GOLM2: variants seen among roughly 807,000 people sequenced by gnomAD.
GOLM2 encodes golgi membrane protein 2.
GOLM2 carries 26 observed loss-of-function variants against 55.9 expected under a neutral mutation model. The ratio of observed to expected loss-of-function variants is 0.47; its 90% confidence interval spans 0.34 to 0.65. GOLM2 has a LOEUF of 0.65. Ranked by LOEUF, GOLM2 falls within the 30% of genes least tolerant of loss-of-function variation. The pLI, the probability that GOLM2 is intolerant of heterozygous loss-of-function variation, is 0.01. For synonymous variants in GOLM2, 165 were observed against 194.6 expected (o/e 0.85, Z 1.27); for missense variants, 486 against 531.8 (o/e 0.91, Z 0.85).
chr15:44,381,815 A>AT lies in GOLM2; in HGVS notation c.1072+844dup, dbSNP rs2079405046. On this transcript the variant is annotated intron_variant, in intron 8 of 9. Coordinates refer to ENST00000299957, the MANE Select transcript of GOLM2 (RefSeq NM_138423.4). The stretch of plus-strand genomic sequence containing the variant: ...TCAAGGTATTTTATTTTATTTCTTT[A>AT]TTTTTATTTATTTATTTTTAGAGAC... Among the ~76,000 whole-genome samples the AT allele has an allele frequency of 2.0e-5, 3 of 151,908 alleles. No homozygotes were observed. In the South Asian group the frequency reaches 6.2e-4, roughly 32 times the overall value.
intron 6 of GOLM2, among the ~76,000 whole-genome samples, chr15:44,359,137 G>A (rs1053646444): frequency 8.6e-5 from 13 of 151,656 alleles, no homozygotes; most frequent in African/African-American, 1.5e-4. Context: ...GTGACAGAGC[G>A]AGACTCTGTC....
At chr15:44,373,250 G>T (rs2079340851) in intron 6 of GOLM2, among the ~76,000 whole-genome samples, 1 of 152,050 alleles carries the variant, frequency 6.6e-6, no homozygotes, top group African/African-American at 2.4e-5. Context: ...GAGGTCAGGA[G>T]ATGGAGACCA....
At chr15:44,321,540 A>C (rs1184252165) in intron 1 of GOLM2, among the ~76,000 whole-genome samples, 1 of 151,826 alleles carries the variant, frequency 6.6e-6, no homozygotes, top group Admixed American at 6.6e-5. Context: ...AGTATTCTGC[A>C]TCTTGATTGT....
chr15:44,342,167 G>A (rs1292106428), intron 6 of GOLM2, among the ~76,000 whole-genome samples: 2 of 151,718 alleles, frequency 1.3e-5, no homozygotes, highest in Middle Eastern at 3.4e-3. Flanking sequence ...TAAATTGATC[G>A]TTAATGTAAA....
In GOLM2 at chr15:44,344,287, G is replaced by GTATATATATATATA. The variant is rs143483392; in HGVS notation, c.802+5981_802+5994dup. 2.5e-4 allele frequency among the ~76,000 whole-genome samples: 35 copies of GTATATATATATATA among 138,334 alleles called. No individual in the cohort carries two copies. The South Asian group carries it at 5.5e-3, about 22-fold the overall frequency. The allele number at this position is 138,334 out of a possible 152,430, so 90.8% of individuals were successfully genotyped here. A position where few individuals can be genotyped will look rare whatever the true frequency, so the allele number is the denominator to read the frequency against. On this transcript the variant is annotated intron_variant, in intron 6 of 9. Transcript: ENST00000299957. ...AAAAAAAAAAAATGTATATGTGTGT[G>GTATATATATATATA]TATATATATATATATATATATATAC...
At chr15:44,340,444 G>C (rs1440662651) in intron 6 of GOLM2, among the ~76,000 whole-genome samples, 3 of 152,118 alleles carry the variant, frequency 2.0e-5, no homozygotes, top group African/African-American at 7.2e-5. Context: ...TATTTCTGTA[G>C]AGACGGTGCC....
chr15:44,321,024 C>T (rs760885572), intron 1 of GOLM2, among the ~76,000 whole-genome samples: 4 of 152,118 alleles, frequency 2.6e-5, no homozygotes, highest in African/African-American at 7.2e-5. Context: ...GAAGTTTTCC[C>T]GGATCTCTGG....
At chr15:44,405,082 A>G (rs1205898525) in intron 9 of GOLM2, among the ~76,000 whole-genome samples, 2 of 152,164 alleles carry the variant, frequency 1.3e-5, no homozygotes, top group Non-Finnish European at 2.9e-5. Flanking sequence ...TATTGTAAGT[A>G]GATTTATTTT....
rs535115566 is a variant in GOLM2 at position 44,398,320 on chromosome 15, T to G, written c.1073-4567T>G. On this transcript the variant is annotated intron_variant, in intron 8 of 9. Coordinates refer to ENST00000299957, the MANE Select transcript of GOLM2 (RefSeq NM_138423.4). ...TGTTATTTTTGCTTTCTGTTTTTAT[T>G]TTTGAGGCAGAGTCTCATCCTGTCA... Among the ~76,000 whole-genome samples, 36 of 152,348 alleles carry G rather than the reference T, an allele frequency of 2.4e-4. No homozygotes were observed. The East Asian group carries it at 6.9e-3, about 29-fold the overall frequency.
At chr15:44,318,947 G>A (rs1033383270) in intron 1 of GOLM2, among the ~76,000 whole-genome samples, 12 of 151,946 alleles carry the variant, frequency 7.9e-5, no homozygotes, top group Admixed American at 1.3e-4. Context: ...GTTTTGACAC[G>A]TGCCTTGAAT....
At chr15:44,343,861 A>T (rs987784785) in intron 6 of GOLM2, among the ~76,000 whole-genome samples, 3 of 151,810 alleles carry the variant, frequency 2.0e-5, no homozygotes, top group African/African-American at 7.3e-5. Flanking sequence ...TATCCTTGTA[A>T]TTTAAAAATG....
rs115339613 is a variant in GOLM2, at chr15:44,350,037, A to G, written c.802+11720A>G. Among the ~76,000 whole-genome samples the G allele has an allele frequency of 3.8e-4, 58 of 152,318 alleles. 1 individual carries two copies. The highest frequency in any genetic ancestry group is 1.1e-3 in the African/African-American group (46 of 41,580). ...ATAGCTATAAGCTCCTACATCAAAA[A>G]AGAAGAAAAACTTCAAATAAACAAC... On this transcript the variant is annotated intron_variant, in intron 6 of 9. Coordinates refer to ENST00000299957, the MANE Select transcript of GOLM2 (RefSeq NM_138423.4).
chr15:44,379,198 C>T (rs1386842631), intron 6 of GOLM2, among the ~76,000 whole-genome samples: 8 of 152,072 alleles, frequency 5.3e-5, no homozygotes, highest in East Asian at 1.9e-4. Context: ...GTGATGGGGC[C>T]GGGCGCGGCG....
chr15:44,288,746 T>G lies in GOLM2; in HGVS notation c.-284T>G. The G allele has an allele frequency of 2.1e-5, 9 of 437,314 alleles. No individual in the cohort carries two copies. Among genetic ancestry groups the G allele is most frequent in the East Asian group, 4.2e-5 (1 of 23,754 alleles). The allele number at this position is 437,314 out of a possible 1,614,324, so 27.1% of individuals were successfully genotyped here. ...CGCCTCCCAACCGTGAGGTGTTGGG[T>G]TTGGGGGACGCTGGCAGCTGGGTTC... On this transcript the variant is annotated 5_prime_UTR_variant, in exon 1 of 10. Coordinates refer to ENST00000299957, the MANE Select transcript of GOLM2 (RefSeq NM_138423.4).
chr15:44,328,842 TG>T (rs1191745186), intron 3 of GOLM2, 55 bp downstream of exon 3: 2 of 1,161,464 alleles, frequency 1.7e-6, no homozygotes, highest in African/African-American at 3.2e-5. Context: ...GTCCAGCTTT[TG>T]GACTCAGTTC....
chr15:44,384,810 G>C (rs1258850241), intron 8 of GOLM2, among the ~76,000 whole-genome samples: 1 of 151,780 alleles, frequency 6.6e-6, no homozygotes, highest in Non-Finnish European at 1.5e-5. Context: ...TTGGGAGGGT[G>C]AGGCAGGAGA....
At chr15:44,301,443 G>T (rs1041211289) in intron 1 of GOLM2, among the ~76,000 whole-genome samples, 1 of 152,062 alleles carries the variant, frequency 6.6e-6, no homozygotes, top group Non-Finnish European at 1.5e-5. Flanking sequence ...GAACAAATAT[G>T]TTCAAGTTTC....
intron 1 of GOLM2, among the ~76,000 whole-genome samples, chr15:44,305,916 G>A (rs912488991): frequency 1.3e-5 from 2 of 152,182 alleles, no homozygotes; most frequent in African/African-American, 4.8e-5. Flanking sequence ...AAAATATTCA[G>A]TAAACCATGC....
chr15:44,400,867 G>A (rs1268264676), intron 8 of GOLM2, among the ~76,000 whole-genome samples: 1 of 151,878 alleles, frequency 6.6e-6, no homozygotes. Flanking sequence ...GAGCCACCAC[G>A]CCTGGCCACA....
Sources: gnomAD v4.1 joint callset for allele counts (sites outside exome capture counted in the v4.1 genomes callset) on GRCh38, gnomAD v4.1.1 for gene constraint, MANE v1.5 for transcripts, NCBI Gene and HGNC (gene_info 2026-07-23, HGNC 2026-07-21) for gene names.